Variants in CDH13 observed in about 807,000 individuals in gnomAD.
The protein encoded by CDH13 is cadherin-13.
In CDH13, 24 loss-of-function variants were observed where a neutral mutation model predicts 63.8. The observed-to-expected ratio is 0.38, with a 90% CI of 0.27 to 0.53. The LOEUF (loss-of-function observed/expected upper bound fraction) is 0.53. Among genes scored for constraint, CDH13 ranks in the 20% least tolerant of loss-of-function variants. The probability of loss-of-function intolerance (pLI) is 0.85; values close to 1 mark genes in which losing one functional copy is unlikely to be tolerated. For missense variants in CDH13, 1,049 were observed against 903.1 expected, an observed-to-expected ratio of 1.16 and a Z score of -2.07; for synonymous variants, 503 against 355.3, an observed-to-expected ratio of 1.42 and a Z score of -4.67.
chr16:83,596,818 G>C (rs924294525), intron 7 of CDH13, among the ~76,000 whole-genome samples: 1 of 152,246 alleles, frequency 6.6e-6, no homozygotes, highest in East Asian at 1.9e-4. Context: ...TTCATTATCG[G>C]TTTTGGGGAT....
chr16:82,967,212 C>T (rs1907973148), intron 2 of CDH13, among the ~76,000 whole-genome samples: 1 of 152,078 alleles, frequency 6.6e-6, no homozygotes, highest in Non-Finnish European at 1.5e-5. Context: ...CTCTGCCACC[C>T]CCACCCCCAT....
chr16:82,893,204 G>A lies in CDH13; in HGVS notation c.157+34731G>A, dbSNP rs553904486. On this transcript the variant is annotated intron_variant, in intron 2 of 13. Coordinates refer to ENST00000567109, the MANE Select transcript of CDH13 (RefSeq NM_001257.5). Reference sequence around the variant, plus strand: ...ACTAGAGCCAATTAGATATTCAAAGGAAAAGTCTCAGTTTTTAATACCTTA... The same window carrying A: ...ACTAGAGCCAATTAGATATTCAAAGAAAAAGTCTCAGTTTTTAATACCTTA... Among the ~76,000 whole-genome samples the A allele has an allele frequency of 4.6e-5, 7 of 152,304 alleles. No individual in the cohort carries two copies. The East Asian group carries it at 1.4e-3, about 29-fold the overall frequency.
chr16:83,224,492 C>G (rs1040039594), intron 5 of CDH13, among the ~76,000 whole-genome samples: 1 of 152,210 alleles, frequency 6.6e-6, no homozygotes, highest in Non-Finnish European at 1.5e-5. Flanking sequence ...CTGTGATCTT[C>G]ACTTCTGTCA....
chr16:83,401,226 T>C (rs568907617), intron 6 of CDH13, among the ~76,000 whole-genome samples: 1 of 151,748 alleles, frequency 6.6e-6, no homozygotes, highest in South Asian at 2.1e-4. Flanking sequence ...TAATCCCAGC[T>C]ACTTTGGGGG....
chr16:83,757,519 A>G (rs553103782), intron 11 of CDH13, among the ~76,000 whole-genome samples: 1 of 152,342 alleles, frequency 6.6e-6, no homozygotes, highest in South Asian at 2.1e-4. Context: ...CGGAGGTTGC[A>G]GTGAACCAAG....
At chr16:83,064,218 A>G (rs1007994969) in intron 3 of CDH13, among the ~76,000 whole-genome samples, 13 of 152,154 alleles carry the variant, frequency 8.5e-5, no homozygotes, top group African/African-American at 2.9e-4. Context: ...AAAATACAAA[A>G]ATTAGCTGGG....
rs1247206824 is a variant in CDH13, at chr16:83,733,568, G to C, written c.1539-14540G>C. ...GCGAGGCTCAGCCATCTATCTCACT[G>C]TGGTCCCCGCTGCAGCTGGCTTCAT... On this transcript the variant is annotated intron_variant, in intron 10 of 13. Coordinates refer to ENST00000567109, the MANE Select transcript of CDH13 (RefSeq NM_001257.5). Among the ~76,000 whole-genome samples, 4 of 152,170 alleles carry C rather than the reference G, an allele frequency of 2.6e-5. No homozygotes were observed. The South Asian group carries it at 8.3e-4, about 32-fold the overall frequency.
chr16:82,688,917 T>G (rs1597328041), intron 1 of CDH13: 1 of 152,150 alleles, frequency 6.6e-6, no homozygotes, highest in Non-Finnish European at 1.5e-5. Flanking sequence ...AGAGAGGGGC[T>G]TGGTCAGGCT....
At chr16:82,628,318 A>G (rs1049127808) in intron 1 of CDH13, among the ~76,000 whole-genome samples, 6 of 152,118 alleles carry the variant, frequency 3.9e-5, no homozygotes, top group Admixed American at 2.0e-4. Flanking sequence ...TCAGGGTGCT[A>G]GGAATGAGTG....
In CDH13 at chr16:83,279,705, A is replaced by G. The variant is rs148069208; in HGVS notation, c.636+62208A>G. On this transcript the variant is annotated intron_variant, in intron 5 of 13. Coordinates refer to ENST00000567109, the MANE Select transcript of CDH13 (RefSeq NM_001257.5). Reference sequence around the variant, plus strand: ...ACAACATGTAGTGACACACATTTCTAGATGGATATGAGATCTAAAAGTGAG... The same window carrying G: ...ACAACATGTAGTGACACACATTTCTGGATGGATATGAGATCTAAAAGTGAG... Among the ~76,000 whole-genome samples, 244 of 152,332 alleles carry G rather than the reference A, an allele frequency of 1.6e-3. 1 individual carries two copies. The highest frequency in any genetic ancestry group is 5.7e-3 in the African/African-American group (235 of 41,572).
At chr16:82,985,878 C>T (rs148777599) in intron 2 of CDH13, among the ~76,000 whole-genome samples, 5 of 152,192 alleles carry the variant, frequency 3.3e-5, no homozygotes, top group Admixed American at 6.5e-5. Context: ...GCACCTCCCT[C>T]TTTGCTCTGT....
At chr16:83,028,128 G>C (rs1302695632) in intron 2 of CDH13, among the ~76,000 whole-genome samples, 1 of 152,202 alleles carries the variant, frequency 6.6e-6, no homozygotes, top group Non-Finnish European at 1.5e-5. Flanking sequence ...CGAGGGTTAA[G>C]TCTGGAACCT....
At chr16:82,853,810 T>C (rs1567602194) in intron 1 of CDH13, among the ~76,000 whole-genome samples, 1 of 152,224 alleles carries the variant, frequency 6.6e-6, no homozygotes, top group Non-Finnish European at 1.5e-5. Flanking sequence ...AGACTATGAT[T>C]GCCGTGGCAT....
At chr16:83,489,065 C>A (rs1023377749) in intron 7 of CDH13, among the ~76,000 whole-genome samples, 3 of 152,190 alleles carry the variant, frequency 2.0e-5, no homozygotes, top group Non-Finnish European at 2.9e-5. Flanking sequence ...TTAATGCTCC[C>A]AAAGCTTCTC....
intron 6 of CDH13, among the ~76,000 whole-genome samples, chr16:83,399,091 T>A (rs1211396227): frequency 2.0e-5 from 3 of 152,192 alleles, no homozygotes; most frequent in African/African-American, 7.2e-5. Flanking sequence ...GACCATAAAT[T>A]GTGATTTTTC....
chr16:83,795,071 G>C lies in CDH13; in HGVS notation c.*41G>C, dbSNP rs1397082175. ...GAAGCTTGACTCCCAAGTTTCCATA[G>C]CAACAGGAAAAAAAAAAATCTATCC... On this transcript the variant is annotated 3_prime_UTR_variant, in exon 14 of 14. Transcript: ENST00000567109. The C allele has an allele frequency of 2.6e-6, 4 of 1,544,832 alleles. No individual in the cohort carries two copies. The highest frequency in any genetic ancestry group is 3.5e-6 in the Non-Finnish European group (4 of 1,144,772).
intron 6 of CDH13, among the ~76,000 whole-genome samples, chr16:83,483,151 C>T (rs8061863): frequency 0.98 from 148,710 of 152,256 alleles, 72,724 homozygotes; most frequent in Middle Eastern, 1. Flanking sequence ...AACCCAGATA[C>T]GTCACCTCAG....
intron 2 of CDH13, among the ~76,000 whole-genome samples, chr16:82,921,739 T>C (rs2151281506): frequency 6.6e-6 from 1 of 152,300 alleles, no homozygotes; most frequent in East Asian, 1.9e-4. Flanking sequence ...GGTAGTAATG[T>C]AATAATGTAA....
At chr16:82,868,381 T>A (rs1338438639) in intron 2 of CDH13, among the ~76,000 whole-genome samples, 1 of 152,226 alleles carries the variant, frequency 6.6e-6, no homozygotes, top group Admixed American at 6.5e-5. Context: ...CAATTAATAA[T>A]GATTAGAAAC....
Sources: gnomAD v4.1 joint callset for allele counts (sites outside exome capture counted in the v4.1 genomes callset) on GRCh38, gnomAD v4.1.1 for gene constraint, MANE v1.5 for transcripts, NCBI Gene and HGNC (gene_info 2026-07-23, HGNC 2026-07-21) for gene names.